ZNF716: variants seen among roughly 807,000 people sequenced by gnomAD.
ZNF716 encodes the protein zinc finger protein 716.
In ZNF716, 9 loss-of-function variants were observed where a neutral mutation model predicts 13.4. The ratio of observed to expected loss-of-function variants is 0.67; its 90% CI spans 0.41 to 1.18. The LOEUF (loss-of-function observed/expected upper bound fraction) is 1.18, where lower values mean the gene tolerates loss of function less well. Ranked by LOEUF, ZNF716 falls within the 50% of genes most tolerant of loss-of-function variation. ZNF716 has a pLI of 0.01. For missense variants in ZNF716, 581 were observed against 576.6 expected, an observed-to-expected ratio of 1.01 and a Z score of -0.08; for synonymous variants, 186 against 195.2, an observed-to-expected ratio of 0.95 and a Z score of 0.39.
chr7:57,465,926 C>T (rs782092711), intron 3 of ZNF716, among the ~76,000 whole-genome samples: 3 of 151,742 alleles, frequency 2.0e-5, no homozygotes, highest in Admixed American at 1.3e-4. Context: ...AGTAAACTAT[C>T]GCAAGAACAA....
At chr7:57,464,111 AT>A (rs781829265) in intron 3 of ZNF716, among the ~76,000 whole-genome samples, 1 of 87,622 alleles carries the variant, frequency 1.1e-5, no homozygotes, top group African/African-American at 4.3e-5. Context: ...TCATTTGTCC[AT>A]TTCTTTTTTC....
chr7:57,460,736 A>G (rs1218620885), intron 1 of ZNF716, among the ~76,000 whole-genome samples: 4 of 152,102 alleles, frequency 2.6e-5, no homozygotes, highest in African/African-American at 9.7e-5. Flanking sequence ...TGTCTTTGGT[A>G]TTAGTGAAAA....
intron 1 of ZNF716, 35 bp from the exon 2 acceptor site, chr7:57,462,425 A>G: frequency 6.2e-7 from 1 of 1,602,810 alleles, no homozygotes; most frequent in Non-Finnish European, 8.5e-7. Flanking sequence ...TGTGTTCATG[A>G]GTGTTTTTTT....
chr7:57,462,603 T>C lies in ZNF716; in HGVS notation c.166+17T>C. ...TCTCCCTGGGTGAGGAAAACTTCAATACACAATTCCTAATATATTGCCTTT... is the reference window on the plus strand; with the variant it reads ...TCTCCCTGGGTGAGGAAAACTTCAACACACAATTCCTAATATATTGCCTTT... On this transcript the variant is annotated intron_variant, in intron 2 of 3. Transcript: ENST00000420713. The C allele has an allele frequency of 6.3e-7, 1 of 1,587,970 alleles. No homozygotes were observed. The highest frequency in any genetic ancestry group is 8.6e-7 in the Non-Finnish European group (1 of 1,166,490).
Position 57,463,079 on chromosome 7 carries a change from C to T in ZNF716, c.173C>T (p.Ala58Val), listed in dbSNP as rs781934456. ...TTTTTCCTTAATAAAACAGGTATTGCTGTCTCTAAGCCAGACTTGATCACC... is the reference window on the plus strand; with the variant it reads ...TTTTTCCTTAATAAAACAGGTATTGTTGTCTCTAAGCCAGACTTGATCACC... ...NYRNLVSLGI[A>V]VSKPDLITCL... is the part of the protein sequence containing the mutation. Residue 58 changes from alanine (A) to valine (V), a missense_variant, in exon 3 of 4, where the codon GCT (alanine) becomes GTT (valine). Ala to Val is a moderately conservative substitution (Grantham distance 64, BLOSUM62 0). Coordinates refer to ENST00000420713, the MANE Select transcript of ZNF716 (RefSeq NM_001159279.1). 3.7e-6 allele frequency: 6 copies of T among 1,609,288 alleles called. No individual in the cohort carries two copies. In the Admixed American group the frequency reaches 1.0e-4, roughly 27 times the overall value.
At chr7:57,464,097 T>TA (rs1554323632) in intron 3 of ZNF716, among the ~76,000 whole-genome samples, 1 of 150,968 alleles carries the variant, frequency 6.6e-6, no homozygotes. Context: ...AAAAGGTAGT[T>TA]CAATCATTTG....
intron 3 of ZNF716, among the ~76,000 whole-genome samples, chr7:57,464,841 G>A (rs1185236938): frequency 6.6e-6 from 1 of 152,014 alleles, no homozygotes; most frequent in Non-Finnish European, 1.5e-5. Flanking sequence ...TTTATTTTCT[G>A]CATTGTCTGC....
At chr7:57,462,822 T>C (rs1789732460) in intron 2 of ZNF716, among the ~76,000 whole-genome samples, 1 of 152,202 alleles carries the variant, frequency 6.6e-6, no homozygotes, top group Non-Finnish European at 1.5e-5. Flanking sequence ...AAAACTGTCG[T>C]GGCATAAAAT....
chr7:57,462,470 C>T lies in ZNF716; in HGVS notation c.50C>T (p.Thr17Ile). ...ATTTTTTGTTTTTAGGGACTGTTGA[C>T]ATTCAGAGACATAGCTATAGAATTT... Reference protein sequence around the residue: ...PPGSREMGLLTFRDIAIEFSL... With the variant: ...PPGSREMGLLIFRDIAIEFSL... The change falls in exon 2 of 4, where the codon ACA becomes ATA. Residue 17 changes from threonine to isoleucine, a missense_variant. Physicochemically the swap from Thr to Ile is moderately conservative, Grantham distance 89 (BLOSUM62 -1). Transcript: ENST00000420713. The T allele has an allele frequency of 6.2e-7, 1 of 1,613,706 alleles. No homozygotes were observed. Among genetic ancestry groups the T allele is most frequent in the East Asian group, 2.2e-5 (1 of 44,840 alleles).
rs531194159 is a variant in ZNF716 at position 57,472,412 on chromosome 7, T to C, written c.*2463T>C. The C allele has an allele frequency of 6.6e-6, 1 of 152,252 alleles. No homozygotes were observed. Among genetic ancestry groups the C allele is most frequent in the East Asian group, 1.9e-4 (1 of 5,174 alleles). 9.4% of individuals were successfully genotyped at this position (152,252 alleles called of 1,614,324 possible). On this transcript the variant is annotated 3_prime_UTR_variant, in exon 4 of 4. Transcript: ENST00000420713. Reference sequence around the variant, plus strand: ...TTCTGCGTAAAAGATGGTGACAATATACTATTTGTTAATGTAGGGGAATGA... The same window carrying C: ...TTCTGCGTAAAAGATGGTGACAATACACTATTTGTTAATGTAGGGGAATGA...
chr7:57,454,787 G>A (rs1789557637), intron 1 of ZNF716, among the ~76,000 whole-genome samples: 1 of 152,118 alleles, frequency 6.6e-6, no homozygotes, highest in East Asian at 1.9e-4. Context: ...CACTTTGGGA[G>A]GCCGAGGCGG....
At chr7:57,466,456 T>C (rs1348149507) in intron 3 of ZNF716, among the ~76,000 whole-genome samples, 2 of 150,412 alleles carry the variant, frequency 1.3e-5, no homozygotes, top group Admixed American at 6.7e-5. Flanking sequence ...ATCCCCTTGG[T>C]AATCATAGAG....
Position 57,450,250 on chromosome 7 carries a change from G to C in ZNF716, c.-39G>C, listed in dbSNP as rs782736174. The C allele has an allele frequency of 8.1e-6, 13 of 1,613,504 alleles. No individual in the cohort carries two copies. Among genetic ancestry groups the C allele is most frequent in the Non-Finnish European group, 3.4e-6 (4 of 1,179,716 alleles). Reference sequence around the variant, plus strand: ...TGCGTCCTCTGCTCCTGGAGGCCAAGCCTCTGTGGCCTTGTGTCCTGCAAG... The same window carrying C: ...TGCGTCCTCTGCTCCTGGAGGCCAACCCTCTGTGGCCTTGTGTCCTGCAAG... On this transcript the variant is annotated 5_prime_UTR_variant, in exon 1 of 4. Coordinates refer to ENST00000420713, the MANE Select transcript of ZNF716 (RefSeq NM_001159279.1).
At chr7:57,452,208 T>G (rs935126209) in intron 1 of ZNF716, among the ~76,000 whole-genome samples, 4 of 152,228 alleles carry the variant, frequency 2.6e-5, no homozygotes, top group African/African-American at 9.6e-5. Flanking sequence ...TATTATCTAT[T>G]TGTCCTTTCT....
intron 1 of ZNF716, among the ~76,000 whole-genome samples, chr7:57,454,800 G>A (rs1397230287): frequency 1.2e-4 from 19 of 152,178 alleles, no homozygotes; most frequent in South Asian, 8.3e-4. Flanking sequence ...CGAGGCGGGC[G>A]GATCATGAGG....
In ZNF716 at chr7:57,450,338, G is replaced by A; in HGVS notation, c.39+11G>A. 6.2e-7 allele frequency: 1 copy of A among 1,613,442 alleles called. No individual in the cohort carries two copies. ...GGAAGCCGAGAAATGGTGAGTGCTGGGTCTGTCACCGTGAGAGAGGGGTGG... is the reference window on the plus strand; with the variant it reads ...GGAAGCCGAGAAATGGTGAGTGCTGAGTCTGTCACCGTGAGAGAGGGGTGG... On this transcript the variant is annotated intron_variant, in intron 1 of 3. Coordinates refer to ENST00000420713, the MANE Select transcript of ZNF716 (RefSeq NM_001159279.1).
In ZNF716 at chr7:57,450,209, C is replaced by T. The variant is rs1373625189; in HGVS notation, c.-80C>T. 1.3e-5 allele frequency: 21 copies of T among 1,601,792 alleles called. No homozygotes were observed. The Admixed American group carries it at 3.2e-4, about 25-fold the overall frequency. The stretch of plus-strand genomic sequence containing the variant: ...CTTCTCTGCGCCCAGAGCTCCAGTC[C>T]TTCTCTTCACTGCTCTGCGTCCTCT... On this transcript the variant is annotated 5_prime_UTR_variant, in exon 1 of 4. Transcript: ENST00000420713.
intron 1 of ZNF716, among the ~76,000 whole-genome samples, chr7:57,451,127 C>T (rs571045087): frequency 2.0e-5 from 3 of 151,780 alleles, no homozygotes; most frequent in Admixed American, 2.0e-4. Context: ...TCAGGCGATT[C>T]TCCCGCCTCA....
intron 1 of ZNF716, among the ~76,000 whole-genome samples, chr7:57,460,555 AT>A (rs1285557991): frequency 2.0e-5 from 3 of 151,762 alleles, no homozygotes; most frequent in Admixed American, 6.6e-5. Context: ...TGAAAAAAAT[AT>A]TTTTTTTCTG....
Sources: gnomAD v4.1 joint callset for allele counts (sites outside exome capture counted in the v4.1 genomes callset) on GRCh38, gnomAD v4.1.1 for gene constraint, MANE v1.5 for transcripts, NCBI Gene and HGNC (gene_info 2026-07-23, HGNC 2026-07-21) for gene names.